The following LINGO2 variants were observed in gnomAD, a reference collection of about 807,000 sequenced individuals.
The protein encoded by LINGO2 is leucine rich repeat and Ig domain containing 2.
LINGO2 carries 14 observed loss-of-function variants against 30.6 expected under a neutral mutation model. The ratio of observed to expected loss-of-function variants is 0.46; its 90% CI spans 0.30 to 0.72. The LOEUF (loss-of-function observed/expected upper bound fraction) is 0.72. LINGO2 is among the 30% of genes least tolerant of loss of function. LINGO2 has a pLI of 0.07. For missense variants in LINGO2, 729 were observed against 751.7 expected (o/e 0.97, Z 0.35); for synonymous variants, 317 against 288.5 (o/e 1.10, Z -1.00).
intron 3 of LINGO2, among the ~76,000 whole-genome samples, chr9:28,323,994 C>T (rs750197855): frequency 2.6e-5 from 4 of 152,114 alleles, no homozygotes; most frequent in South Asian, 4.1e-4. Flanking sequence ...CTTTGTTTTG[C>T]AGATTCTAGA....
the LINGO2 span, among the ~76,000 whole-genome samples, chr9:28,679,449 A>G: frequency 6.6e-6 from 1 of 152,100 alleles, no homozygotes; most frequent in East Asian, 1.9e-4. Flanking sequence ...TCAGAAAACT[A>G]TTGCTATCCC....
chr9:28,853,197 G>C, the LINGO2 span, among the ~76,000 whole-genome samples: 1 of 152,036 alleles, frequency 6.6e-6, no homozygotes, highest in South Asian at 2.1e-4. Context: ...ATAATGCAGA[G>C]GGATTCCTCT....
At chr9:29,179,259 ACAAGGTGGACTTCTGGG>A in the LINGO2 span, among the ~76,000 whole-genome samples, 2 of 147,412 alleles carry the variant, frequency 1.4e-5, no homozygotes, top group African/African-American at 5.0e-5. Context: ...AAACAGGCTG[ACAAGGTGGACTTCTGGG>A]CAAGTATTGC....
the LINGO2 span, among the ~76,000 whole-genome samples, chr9:29,164,141 C>T: frequency 2.3e-3 from 355 of 152,118 alleles, 1 homozygote; most frequent in African/African-American, 8.1e-3. Flanking sequence ...ACCCACAACC[C>T]TAGCTGAGCT....
chr9:28,265,269 C>T (rs1394071253), intron 4 of LINGO2, among the ~76,000 whole-genome samples: 1 of 151,892 alleles, frequency 6.6e-6, no homozygotes, highest in Non-Finnish European at 1.5e-5. Flanking sequence ...GATAAAAAGG[C>T]ACATCACTCA....
At chr9:29,098,803 G>C in the LINGO2 span, among the ~76,000 whole-genome samples, 1 of 152,050 alleles carries the variant, frequency 6.6e-6, no homozygotes, top group African/African-American at 2.4e-5. Flanking sequence ...AAATGTCTAT[G>C]GTTTCCGTGT....
chr9:28,373,665 T>G (rs565433486), intron 2 of LINGO2, among the ~76,000 whole-genome samples: 22 of 152,242 alleles, frequency 1.4e-4, no homozygotes, highest in African/African-American at 4.8e-4. Flanking sequence ...TTTGGGAGGC[T>G]GAGGCAGGTA....
chr9:28,886,997 G>A, the LINGO2 span, among the ~76,000 whole-genome samples: 1 of 152,146 alleles, frequency 6.6e-6, no homozygotes, highest in South Asian at 2.1e-4. Context: ...TCCCCAGTGG[G>A]TTGACCACAT....
intron 5 of LINGO2, among the ~76,000 whole-genome samples, chr9:27,955,165 A>C (rs1286248231): frequency 1.3e-5 from 2 of 152,208 alleles, no homozygotes; most frequent in Non-Finnish European, 2.9e-5. Context: ...AGGCTCAACT[A>C]AGTCATTTAT....
intron 1 of LINGO2, among the ~76,000 whole-genome samples, chr9:28,593,540 T>C (rs1825026601): frequency 6.6e-6 from 1 of 152,090 alleles, no homozygotes; most frequent in Non-Finnish European, 1.5e-5. Flanking sequence ...CACAGTAGTC[T>C]AGTGTCTTCT....
chr9:29,209,563 A>C, the LINGO2 span, among the ~76,000 whole-genome samples: 2 of 152,306 alleles, frequency 1.3e-5, no homozygotes, highest in South Asian at 4.1e-4. Context: ...GAAAAATCAC[A>C]GAAGTATATG....
At chr9:28,897,993 G>A in the LINGO2 span, among the ~76,000 whole-genome samples, 1 of 152,006 alleles carries the variant, frequency 6.6e-6, no homozygotes, top group East Asian at 1.9e-4. Context: ...ATATTCAGAA[G>A]AGGACAAAGG....
intron 3 of LINGO2, among the ~76,000 whole-genome samples, chr9:28,351,835 G>T (rs1819907922): frequency 6.7e-6 from 1 of 150,330 alleles, no homozygotes; most frequent in Admixed American, 6.6e-5. Context: ...GGGATGCAAG[G>T]CTGGTTCAAT....
At chr9:28,370,826 G>C (rs1587557766) in intron 3 of LINGO2, among the ~76,000 whole-genome samples, 1 of 152,194 alleles carries the variant, frequency 6.6e-6, no homozygotes, top group Non-Finnish European at 1.5e-5. Flanking sequence ...CTCTGATTTA[G>C]AACAGTTTAC....
At chr9:28,233,051 T>TATATATAC (rs1554690913) in intron 4 of LINGO2, among the ~76,000 whole-genome samples, 2 of 120,224 alleles carry the variant, frequency 1.7e-5, no homozygotes, top group Admixed American at 1.7e-4. Flanking sequence ...TATATATATA[T>TATATATAC]ATATATATAT....
the LINGO2 span, among the ~76,000 whole-genome samples, chr9:28,888,430 C>T: frequency 6.6e-6 from 1 of 151,866 alleles, no homozygotes; most frequent in Non-Finnish European, 1.5e-5. Context: ...AATATTTTCT[C>T]AGAAAAAAAT....
chr9:29,198,408 G>C, the LINGO2 span, among the ~76,000 whole-genome samples: 1 of 152,114 alleles, frequency 6.6e-6, no homozygotes. Context: ...GCAGGGGTGG[G>C]AAATTGTTGA....
Position 28,355,115 on chromosome 9 carries a change from C to G in LINGO2, c.-246+17721G>C, listed in dbSNP as rs80254876. ...TAACTTTAGTCCACAGAACATTCAT[C>G]TTTTAAACATAGCAGTCTAATAGAC... On this transcript the variant is annotated intron_variant, in intron 3 of 5. Coordinates refer to ENST00000379992, the Ensembl canonical transcript of LINGO2. Among the ~76,000 whole-genome samples, 852 of 152,264 alleles carry G rather than the reference C, an allele frequency of 5.6e-3. 35 individuals carry two copies. In the East Asian group the frequency reaches 0.11, roughly 19 times the overall value.
intron 1 of LINGO2, among the ~76,000 whole-genome samples, chr9:28,511,869 C>T (rs894260382): frequency 7.9e-5 from 12 of 152,150 alleles, no homozygotes; most frequent in African/African-American, 2.4e-4. Flanking sequence ...TGTCCTTCAG[C>T]GATGTCCAAG....
Sources: gnomAD v4.1 joint callset for allele counts (sites outside exome capture counted in the v4.1 genomes callset) on GRCh38, gnomAD v4.1.1 for gene constraint, MANE v1.5 for transcripts, NCBI Gene and HGNC (gene_info 2026-07-23, HGNC 2026-07-21) for gene names.